PIGK: variants seen among roughly 807,000 people sequenced by gnomAD.
PIGK encodes GPI-anchor transamidase.
PIGK carries 42 observed loss-of-function variants against 50.6 expected under a neutral mutation model. The ratio of observed to expected loss-of-function variants is 0.83; its 90% CI spans 0.65 to 1.07. The LOEUF is 1.07. Ranked by LOEUF, PIGK falls within the 50% of genes least tolerant of loss-of-function variation. The pLI is 0.00. For synonymous variants in PIGK, 151 were observed against 156.0 expected, an observed-to-expected ratio of 0.97 and a Z score of 0.24; for missense variants, 448 against 488.7, an observed-to-expected ratio of 0.92 and a Z score of 0.78.
At chr1:77,175,776 A>T (rs35480396) in intron 3 of PIGK, among the ~76,000 whole-genome samples, 17,214 of 152,012 alleles carry the variant, frequency 0.11, 1,328 homozygotes, top group African/African-American at 0.21. Context: ...GTGAACATTT[A>T]AAAAAAAGCA....
intron 1 of PIGK, among the ~76,000 whole-genome samples, chr1:77,216,633 G>A (rs535546981): frequency 1.6e-4 from 25 of 151,936 alleles, no homozygotes; most frequent in Admixed American, 1.4e-3. Flanking sequence ...ATGTGTGTGT[G>A]GGGGGGTGTG....
intron 10 of PIGK, among the ~76,000 whole-genome samples, chr1:77,115,778 A>C (rs1371407014): frequency 6.6e-6 from 1 of 152,218 alleles, no homozygotes; most frequent in Non-Finnish European, 1.5e-5. Flanking sequence ...TAATGGATAC[A>C]TAGCTCTAAT....
intron 9 of PIGK, among the ~76,000 whole-genome samples, chr1:77,122,946 T>G (rs1027685226): frequency 7.2e-5 from 11 of 152,198 alleles, no homozygotes; most frequent in African/African-American, 2.4e-4. Flanking sequence ...AACCCATGTC[T>G]TCTTCTTTGT....
intron 10 of PIGK, among the ~76,000 whole-genome samples, chr1:77,116,096 C>G (rs377617124): frequency 1.3e-5 from 2 of 152,020 alleles, no homozygotes; most frequent in Non-Finnish European, 2.9e-5. Flanking sequence ...TTTGTTTACA[C>G]GGAGCCTCTG....
intron 9 of PIGK, among the ~76,000 whole-genome samples, chr1:77,147,330 G>A (rs868079406): frequency 2.0e-5 from 3 of 151,576 alleles, no homozygotes; most frequent in Non-Finnish European, 4.4e-5. Context: ...AGATTTGGGT[G>A]GGGACACAGA....
At chr1:77,178,115 AG>A (rs1302781755) in intron 3 of PIGK, among the ~76,000 whole-genome samples, 1 of 152,210 alleles carries the variant, frequency 6.6e-6, no homozygotes, top group Non-Finnish European at 1.5e-5. Context: ...TTATTTATGA[AG>A]GATTTTGCAG....
At chr1:77,148,989 A>G (rs879537331) in intron 9 of PIGK, among the ~76,000 whole-genome samples, 7 of 152,204 alleles carry the variant, frequency 4.6e-5, no homozygotes, top group African/African-American at 7.2e-5. Flanking sequence ...TGCTGGGATT[A>G]CAGGCGTGAG....
intron 10 of PIGK, among the ~76,000 whole-genome samples, chr1:77,107,828 C>T (rs1039937879): frequency 6.6e-6 from 1 of 152,182 alleles, no homozygotes; most frequent in Non-Finnish European, 1.5e-5. Context: ...GAATTGATCC[C>T]TATACCATTA....
chr1:77,118,782 T>C (rs1381880721), intron 10 of PIGK, among the ~76,000 whole-genome samples: 2 of 152,144 alleles, frequency 1.3e-5, no homozygotes, highest in Non-Finnish European at 2.9e-5. Context: ...ATAAACCATA[T>C]ACGTATTAGG....
intron 3 of PIGK, among the ~76,000 whole-genome samples, chr1:77,197,129 G>A (rs1196387575): frequency 1.3e-5 from 2 of 152,084 alleles, no homozygotes; most frequent in Non-Finnish European, 2.9e-5. Context: ...AAACATGATA[G>A]GCTGATTCAG....
At chr1:77,196,447 A>G (rs957603890) in intron 3 of PIGK, among the ~76,000 whole-genome samples, 1 of 152,186 alleles carries the variant, frequency 6.6e-6, no homozygotes, top group African/African-American at 2.4e-5. Flanking sequence ...CCAACAGTGT[A>G]AATGTGTCCC....
At chr1:77,182,203 G>C (rs756991970) in intron 3 of PIGK, among the ~76,000 whole-genome samples, 9 of 152,122 alleles carry the variant, frequency 5.9e-5, no homozygotes, top group Non-Finnish European at 8.8e-5. Context: ...ATATAACGAA[G>C]ATAACAGCTA....
chr1:77,187,851 T>C (rs781672191), intron 3 of PIGK, among the ~76,000 whole-genome samples: 45 of 152,200 alleles, frequency 3.0e-4, no homozygotes, highest in Non-Finnish European at 4.9e-4. Flanking sequence ...ATTGTGAAGA[T>C]TTTATGGACA....
At chr1:77,153,135 G>A (rs1220591054) in intron 9 of PIGK, among the ~76,000 whole-genome samples, 3 of 152,024 alleles carry the variant, frequency 2.0e-5, no homozygotes, top group South Asian at 2.1e-4. Context: ...CAGATTAATG[G>A]AAAAGGAAAA....
At chr1:77,105,364 G>A (rs1653644751) in intron 10 of PIGK, among the ~76,000 whole-genome samples, 1 of 152,028 alleles carries the variant, frequency 6.6e-6, no homozygotes, top group African/African-American at 2.4e-5. Flanking sequence ...AATTGGGAGA[G>A]AGTGGGCAAA....
chr1:77,118,512 C>A (rs143680102), intron 10 of PIGK, among the ~76,000 whole-genome samples: 1 of 152,162 alleles, frequency 6.6e-6, no homozygotes, highest in African/African-American at 2.4e-5. Flanking sequence ...TCAAATATAT[C>A]AATTTTCCTT....
chr1:77,154,276 A>G, intron 9 of PIGK, 173 bp downstream of exon 9: 1 of 576,224 alleles, frequency 1.7e-6, no homozygotes, highest in Non-Finnish European at 3.1e-6. Context: ...ACTAATATTG[A>G]TAGTTTTTAC....
intron 2 of PIGK, among the ~76,000 whole-genome samples, chr1:77,209,465 C>T (rs1238493653): frequency 6.6e-6 from 1 of 152,000 alleles, no homozygotes; most frequent in Admixed American, 6.6e-5. Flanking sequence ...AATGTGTTGA[C>T]CAGCAGTCAA....
intron 5 of PIGK, 103 bp from the exon 6 acceptor site, chr1:77,164,045 AT>A: frequency 1.6e-6 from 1 of 613,796 alleles, no homozygotes; most frequent in East Asian, 3.0e-5. Context: ...ATCGCTTGTT[AT>A]TTTATACTCT....
Sources: gnomAD v4.1 joint callset for allele counts (sites outside exome capture counted in the v4.1 genomes callset) on GRCh38, gnomAD v4.1.1 for gene constraint, MANE v1.5 for transcripts, NCBI Gene and HGNC (gene_info 2026-07-23, HGNC 2026-07-21) for gene names.